Variants in SLC2A9 observed in about 807,000 individuals in gnomAD.
SLC2A9 encodes the protein solute carrier family 2 member 9, also known as solute carrier family 2, facilitated glucose transporter member 9.
A neutral mutation model predicts 50.6 loss-of-function variants in SLC2A9; 39 were observed. The observed-to-expected ratio is 0.77, with a 90% CI of 0.60 to 1.01. SLC2A9 has a LOEUF of 1.01. SLC2A9 is among the 50% of genes least tolerant of loss of function. SLC2A9 has a pLI of 0.00. For synonymous variants in SLC2A9, 324 were observed against 276.9 expected (o/e 1.17, Z -1.69); for missense variants, 686 against 677.6 (o/e 1.01, Z -0.14).
chr4:9,833,098 C>T (rs966405231), intron 11 of SLC2A9, among the ~76,000 whole-genome samples: 1 of 152,202 alleles, frequency 6.6e-6, no homozygotes, highest in African/African-American at 2.4e-5. Context: ...TTTACTGACA[C>T]CTGGCTCTGC....
At chr4:9,911,046 G>T in intron 7 of SLC2A9, among the ~76,000 whole-genome samples, 1 of 152,076 alleles carries the variant, frequency 6.6e-6, no homozygotes, top group East Asian at 1.9e-4. Flanking sequence ...AATATCCAAT[G>T]CAGATGACAG....
At position 9,980,613 on chromosome 4, in the gene SLC2A9, G is replaced by A; in HGVS notation, c.660C>T (p.Gly220=). 6.2e-7 allele frequency: 1 copy of A among 1,614,174 alleles called. No homozygotes were observed. Among genetic ancestry groups the A allele is most frequent in the Non-Finnish European group, 8.5e-7 (1 of 1,180,020 alleles). ...TCACCTTTCCCAGCAGCTCGGGCAG[G>A]CCCAGAAGCTGCCCAGTGAACACGC... ...CIGVFTGQLL[G]LPELLGKEST... is the part of the protein sequence containing the mutation. Residue 220 remains glycine, a synonymous_variant, in exon 5 of 12, where the codon GGC becomes GGT. Transcript: ENST00000264784.
At chr4:9,846,384 C>T (rs1560184982) in intron 10 of SLC2A9, among the ~76,000 whole-genome samples, 1 of 152,114 alleles carries the variant, frequency 6.6e-6, no homozygotes, top group African/African-American at 2.4e-5. Context: ...CTGAGAGGAG[C>T]TTAGACACCC....
intron 7 of SLC2A9, among the ~76,000 whole-genome samples, chr4:9,917,057 G>A (rs1742982695): frequency 6.6e-6 from 1 of 152,186 alleles, no homozygotes; most frequent in African/African-American, 2.4e-5. Context: ...ATGGGGACGG[G>A]GATGGGCCTA....
intron 2 of SLC2A9, among the ~76,000 whole-genome samples, chr4:10,017,857 G>T (rs1762874704): frequency 6.6e-6 from 1 of 152,212 alleles, no homozygotes; most frequent in African/African-American, 2.4e-5. Flanking sequence ...TTCCCCAGAT[G>T]TGTCCTATAT....
chr4:10,031,483 C>T (rs1476733286), intron 1 of SLC2A9, among the ~76,000 whole-genome samples: 8 of 152,336 alleles, frequency 5.3e-5, no homozygotes, highest in Middle Eastern at 3.4e-3. Context: ...TGTTCTCCCA[C>T]GTGGGTAAGG....
intron 10 of SLC2A9, among the ~76,000 whole-genome samples, chr4:9,846,112 C>G (rs146186799): frequency 2.0e-5 from 3 of 152,152 alleles, no homozygotes; most frequent in Non-Finnish European, 4.4e-5. Flanking sequence ...CAAGGTGGCA[C>G]GAGCAGTAAA....
intron 5 of SLC2A9, among the ~76,000 whole-genome samples, chr4:9,951,248 A>C (rs1560371283): frequency 6.6e-6 from 1 of 152,208 alleles, no homozygotes; most frequent in Admixed American, 6.5e-5. Context: ...AAAAAGACAA[A>C]TATTGCATGT....
rs117658505 is a variant in SLC2A9 at position 9,974,582 on chromosome 4, A to C, written c.681+6010T>G. The stretch of plus-strand genomic sequence containing the variant: ...GAAAGATTTAAATAAAGAAAACTAC[A>C]AAACATTACTGAAAGAAATCACAGA... On this transcript the variant is annotated intron_variant, in intron 5 of 11. Coordinates refer to ENST00000264784, the MANE Select transcript of SLC2A9 (RefSeq NM_020041.3). 4.2e-3 allele frequency among the ~76,000 whole-genome samples: 638 copies of C among 152,236 alleles called. 19 individuals are homozygous for C. In the East Asian group the frequency reaches 0.058, roughly 14 times the overall value.
intron 2 of SLC2A9, chr4:10,009,393 C>T (rs1029135756): frequency 6.6e-6 from 1 of 152,244 alleles, no homozygotes. Flanking sequence ...CAGGTTCTAA[C>T]ATCTGTGGCT....
chr4:9,827,888 A>G (rs1725402193), intron 11 of SLC2A9, among the ~76,000 whole-genome samples: 1 of 152,234 alleles, frequency 6.6e-6, no homozygotes, highest in African/African-American at 2.4e-5. Context: ...AACACTTATG[A>G]TGTGCCATTT....
chr4:9,844,914 C>G (rs1213013812), intron 10 of SLC2A9, among the ~76,000 whole-genome samples: 2 of 152,194 alleles, frequency 1.3e-5, no homozygotes, highest in Non-Finnish European at 2.9e-5. Flanking sequence ...GTAAAGCCAG[C>G]TTTGTTATTT....
In SLC2A9 at chr4:9,894,984, C is replaced by T. The variant is rs994605342; in HGVS notation, c.1114-4273G>A. Among the ~76,000 whole-genome samples the T allele has an allele frequency of 5.3e-5, 8 of 152,068 alleles. No individual in the cohort carries two copies. The East Asian group carries it at 7.7e-4, about 15-fold the overall frequency. ...GCTTATCATGTGTTACATTGTTTTACGGAAATTAACATATATGTTTACTGA... is the reference window on the plus strand; with the variant it reads ...GCTTATCATGTGTTACATTGTTTTATGGAAATTAACATATATGTTTACTGA... On this transcript the variant is annotated intron_variant, in intron 8 of 11. Transcript: ENST00000264784.
intron 4 of SLC2A9, among the ~76,000 whole-genome samples, chr4:9,985,196 G>C (rs1230614077): frequency 6.6e-6 from 1 of 152,112 alleles, no homozygotes; most frequent in African/African-American, 2.4e-5. Flanking sequence ...TAGAATGTAA[G>C]CTCCAGGGAC....
intron 10 of SLC2A9, among the ~76,000 whole-genome samples, chr4:9,869,756 G>A (rs998107898): frequency 3.3e-5 from 5 of 152,226 alleles, no homozygotes; most frequent in Non-Finnish European, 4.4e-5. Flanking sequence ...GATCTAACTT[G>A]AATGAACTGT....
rs140747340 is a variant in SLC2A9, at chr4:10,033,792, G to A, written c.-41+6338C>T. ...GTGGGAAACGGGTGTCGCTGTGCTC[G>A]TGGGTTGTCATCCCGGTGGTGGTGT... On this transcript the variant is annotated intron_variant, in intron 1 of 12. Coordinates refer to the SLC2A9 transcript ENST00000309065. Among the ~76,000 whole-genome samples the A allele has an allele frequency of 3.7e-3, 565 of 152,350 alleles. 1 individual carries two copies. The highest frequency in any genetic ancestry group is 0.013 in the African/African-American group (538 of 41,578).
chr4:9,802,709 C>T (rs912882147), intron 3 of SLC2A9, among the ~76,000 whole-genome samples: 2 of 151,962 alleles, frequency 1.3e-5, no homozygotes, highest in Non-Finnish European at 2.9e-5. Flanking sequence ...CAGGTGCCCA[C>T]CACTACGCCT....
intron 3 of SLC2A9, among the ~76,000 whole-genome samples, chr4:9,820,724 T>C (rs1055144830): frequency 6.6e-6 from 1 of 152,230 alleles, no homozygotes; most frequent in Non-Finnish European, 1.5e-5. Context: ...AACTTTTTTA[T>C]GTTTTAGTTT....
chr4:9,865,798 T>C (rs1577597933), intron 10 of SLC2A9, among the ~76,000 whole-genome samples: 1 of 150,394 alleles, frequency 6.6e-6, no homozygotes, highest in Non-Finnish European at 1.5e-5. Context: ...CAGGAGCTGG[T>C]TTTGTTAGAC....
Sources: gnomAD v4.1 joint callset for allele counts (sites outside exome capture counted in the v4.1 genomes callset) on GRCh38, gnomAD v4.1.1 for gene constraint, MANE v1.5 for transcripts, NCBI Gene and HGNC (gene_info 2026-07-23, HGNC 2026-07-21) for gene names.